Variants in SRGAP3 observed in about 807,000 individuals in gnomAD.
The protein encoded by SRGAP3 is SLIT-ROBO Rho GTPase-activating protein 3.
In SRGAP3, 39 loss-of-function variants were observed where a neutral mutation model predicts 121.1. That is an observed-to-expected ratio of 0.32 (90% CI 0.25 to 0.42). The LOEUF (loss-of-function observed/expected upper bound fraction) is 0.42. Ranked by LOEUF, SRGAP3 falls within the 10% of genes least tolerant of loss-of-function variation. The pLI, the probability that SRGAP3 is intolerant of heterozygous loss-of-function variation, is 1.00. For synonymous variants in SRGAP3, 601 were observed against 570.0 expected, an observed-to-expected ratio of 1.05 and a Z score of -0.77; for missense variants, 1,213 against 1,470.6, an observed-to-expected ratio of 0.82 and a Z score of 2.86.
chr3:9,011,058 C>G (rs959197462), intron 17 of SRGAP3, among the ~76,000 whole-genome samples: 1 of 151,888 alleles, frequency 6.6e-6, no homozygotes, highest in African/African-American at 2.4e-5. Flanking sequence ...TTTTATAGAG[C>G]CATTGAGTGA....
At chr3:9,123,789 G>GAA (rs1949115287) in intron 2 of SRGAP3, among the ~76,000 whole-genome samples, 1 of 132,878 alleles carries the variant, frequency 7.5e-6, no homozygotes, top group Non-Finnish European at 1.6e-5. Flanking sequence ...TGTATACACA[G>GAA]AGAGAGAGAG....
Position 9,356,184 on chromosome 3 carries a change from TTTTTTTTC to T in SRGAP3, n.214+6648_214+6655del, listed in dbSNP as rs1433245747. Among the ~76,000 whole-genome samples the T allele has an allele frequency of 7.1e-5, 10 of 141,694 alleles. 1 individual carries two copies. The highest frequency in any genetic ancestry group is 1.1e-4 in the African/African-American group (4 of 36,232). 93.0% of individuals were successfully genotyped at this position (141,694 alleles called of 152,430 possible). A position where few individuals can be genotyped will look rare whatever the true frequency, so the allele number is the denominator to read the frequency against. On this transcript the variant is annotated intron_variant and non_coding_transcript_variant, in intron 1 of 3. Coordinates refer to the SRGAP3 transcript ENST00000490889. ...GAACCGTGAGACCTGTTTATGGGAC[TTTTTTTTC>T]TTTTTTTTTTTTTTTTTTTGAGACA...
intron 12 of SRGAP3, among the ~76,000 whole-genome samples, chr3:9,027,540 T>G (rs548552942): frequency 1.3e-5 from 2 of 152,230 alleles, no homozygotes; most frequent in African/African-American, 4.8e-5. Context: ...CCCAGATGCA[T>G]ACTGCATTTA....
chr3:9,140,962 A>C (rs1949824806), intron 1 of SRGAP3, among the ~76,000 whole-genome samples: 1 of 152,200 alleles, frequency 6.6e-6, no homozygotes, highest in African/African-American at 2.4e-5. Flanking sequence ...CAGGCATAGG[A>C]AGGTTGCAAA....
At chr3:9,153,482 C>T (rs1379466323) in intron 1 of SRGAP3, among the ~76,000 whole-genome samples, 2 of 152,182 alleles carry the variant, frequency 1.3e-5, no homozygotes, top group East Asian at 1.9e-4. Flanking sequence ...CATTCTACCC[C>T]ATCTCCTCCA....
intron 3 of SRGAP3, among the ~76,000 whole-genome samples, chr3:9,309,424 C>T (rs1360331297): frequency 2.0e-5 from 3 of 152,210 alleles, no homozygotes; most frequent in Admixed American, 6.5e-5. Flanking sequence ...AATACCCCTT[C>T]CTGCTCGGTT....
intron 3 of SRGAP3, among the ~76,000 whole-genome samples, chr3:9,310,852 C>T (rs1388895443): frequency 3.9e-5 from 6 of 152,060 alleles, no homozygotes; most frequent in Non-Finnish European, 7.4e-5. Context: ...TTTTTGTTAC[C>T]TGCAATCTAA....
intron 3 of SRGAP3, among the ~76,000 whole-genome samples, chr3:9,270,572 TA>T (rs1395797465): frequency 8.5e-5 from 13 of 152,204 alleles, no homozygotes; most frequent in Non-Finnish European, 1.8e-4. Flanking sequence ...TTAACTCATT[TA>T]AAAAAACTCA....
At chr3:9,121,759 TG>T (rs1038142263) in intron 2 of SRGAP3, among the ~76,000 whole-genome samples, 1 of 152,144 alleles carries the variant, frequency 6.6e-6, no homozygotes, top group Admixed American at 6.5e-5. Context: ...ACACTGAGAA[TG>T]GGAAGAGAGC....
chr3:9,094,545 TG>T (rs1297845997), intron 3 of SRGAP3, among the ~76,000 whole-genome samples: 1 of 152,182 alleles, frequency 6.6e-6, no homozygotes, highest in African/African-American at 2.4e-5. Flanking sequence ...TACTAGATAC[TG>T]CCTGATTGTT....
intron 1 of SRGAP3, among the ~76,000 whole-genome samples, chr3:9,213,780 C>T (rs902088607): frequency 6.6e-6 from 1 of 152,234 alleles, no homozygotes; most frequent in Non-Finnish European, 1.5e-5. Flanking sequence ...TTCTCTGCCT[C>T]GTTCTCAGTT....
intron 3 of SRGAP3, among the ~76,000 whole-genome samples, chr3:9,276,058 G>A (rs569536838): frequency 1.3e-5 from 2 of 152,180 alleles, no homozygotes; most frequent in African/African-American, 2.4e-5. Flanking sequence ...CGGAAGGAAG[G>A]AAGGAAGGAT....
chr3:9,011,474 T>G (rs1449722848), intron 17 of SRGAP3, among the ~76,000 whole-genome samples: 1 of 152,202 alleles, frequency 6.6e-6, no homozygotes, highest in Non-Finnish European at 1.5e-5. Context: ...CTGTCACACA[T>G]GCTATGCTCT....
intron 12 of SRGAP3, among the ~76,000 whole-genome samples, chr3:9,031,983 C>G (rs1473060732): frequency 6.6e-6 from 1 of 152,056 alleles, no homozygotes; most frequent in African/African-American, 2.4e-5. Flanking sequence ...AATCTCATAC[C>G]CTTTACACCA....
At chr3:9,026,873 T>A in intron 13 of SRGAP3, 62 bp downstream of exon 13, 1 of 1,555,916 alleles carries the variant, frequency 6.4e-7, no homozygotes, top group South Asian at 1.1e-5. Context: ...TCATTTCCTA[T>A]CAGAACAGCC....
chr3:9,072,924 A>G (rs955353425), intron 4 of SRGAP3, among the ~76,000 whole-genome samples: 3 of 152,160 alleles, frequency 2.0e-5, no homozygotes, highest in African/African-American at 7.2e-5. Flanking sequence ...CTCTCTGAGG[A>G]TCCTTTGATT....
In SRGAP3 at chr3:9,332,310, G is replaced by A. The variant is rs774005928; in HGVS notation, n.215-1714C>T. 5.2e-4 allele frequency among the ~76,000 whole-genome samples: 79 copies of A among 152,260 alleles called. 1 individual carries two copies. The Middle Eastern group carries it at 0.01, about 20-fold the overall frequency. On this transcript the variant is annotated intron_variant and non_coding_transcript_variant, in intron 1 of 3. Transcript: ENST00000490889. The stretch of plus-strand genomic sequence containing the variant: ...AATTTTTGTATTTTTAGTAGGGACA[G>A]GGTTTCACCATGTTGGCCAGGCTGA...
At chr3:9,136,301 C>CAGGATCCGT (rs1464165851) in intron 1 of SRGAP3, among the ~76,000 whole-genome samples, 2 of 152,052 alleles carry the variant, frequency 1.3e-5, no homozygotes, top group Non-Finnish European at 2.9e-5. Flanking sequence ...CGAGGGTCCG[C>CAGGATCCGT]AGGATCCGTG....
chr3:9,228,887 C>G (rs1953092717), intron 1 of SRGAP3, among the ~76,000 whole-genome samples: 1 of 151,376 alleles, frequency 6.6e-6, no homozygotes, highest in Non-Finnish European at 1.5e-5. Flanking sequence ...ATGGTGAAAC[C>G]CCGTCTCTAC....
Sources: allele counts gnomAD v4.1 joint callset (sites outside exome capture counted in the v4.1 genomes callset), GRCh38; gene constraint gnomAD v4.1.1; transcripts MANE v1.5; gene names NCBI Gene and HGNC (gene_info 2026-07-23, HGNC 2026-07-21).